Variants in GRIP1 observed in about 807,000 individuals in gnomAD.
GRIP1 encodes glutamate receptor-interacting protein 1.
A neutral mutation model predicts 129.9 loss-of-function variants in GRIP1; 45 were observed. That is an observed-to-expected ratio of 0.35 (90% confidence interval 0.27 to 0.44). The LOEUF is 0.44. Ranked by LOEUF, GRIP1 falls within the 20% of genes least tolerant of loss-of-function variation. GRIP1 has a pLI of 1.00. For synonymous variants in GRIP1, 530 were observed against 520.8 expected, an observed-to-expected ratio of 1.02 and a Z score of -0.24; for missense variants, 1,196 against 1,396.8, an observed-to-expected ratio of 0.86 and a Z score of 2.29.
At chr12:66,885,103 T>C (rs911402497) in intron 1 of GRIP1, among the ~76,000 whole-genome samples, 24 of 152,318 alleles carry the variant, frequency 1.6e-4, no homozygotes, top group African/African-American at 5.8e-4. Context: ...TGGTGGATCC[T>C]GCAAACTGAG....
intron 7 of GRIP1, among the ~76,000 whole-genome samples, chr12:66,488,573 CA>C (rs1357538174): frequency 2.0e-5 from 3 of 152,046 alleles, no homozygotes; most frequent in African/African-American, 2.4e-5. Flanking sequence ...ACTAGAGAAC[CA>C]AGAACAAACA....
upstream of GRIP1, chr12:66,679,133 C>G (rs1057304347): frequency 6.9e-7 from 1 of 1,440,166 alleles, no homozygotes; most frequent in African/African-American, 1.4e-5. Context: ...GCCTCCTCCC[C>G]CTTCACAATC....
chr12:66,365,646 T>C (rs1234833955), intron 23 of GRIP1, among the ~76,000 whole-genome samples: 2 of 152,226 alleles, frequency 1.3e-5, no homozygotes, highest in African/African-American at 4.8e-5. Context: ...TCCCTGGTTC[T>C]ACAGGGAGAG....
At chr12:66,356,893 C>A (rs1222305776) in intron 23 of GRIP1, among the ~76,000 whole-genome samples, 1 of 152,094 alleles carries the variant, frequency 6.6e-6, no homozygotes, top group Non-Finnish European at 1.5e-5. Context: ...TTTTTTGAGA[C>A]AAGGTCTTGC....
chr12:66,480,350 AC>A (rs1401862800), intron 7 of GRIP1, among the ~76,000 whole-genome samples: 1 of 152,198 alleles, frequency 6.6e-6, no homozygotes, highest in East Asian at 1.9e-4. Context: ...AATACAACTT[AC>A]AAGGGATGAG....
At chr12:66,464,014 C>G (rs140407931) in intron 8 of GRIP1, among the ~76,000 whole-genome samples, 1 of 152,000 alleles carries the variant, frequency 6.6e-6, no homozygotes, top group African/African-American at 2.4e-5. Flanking sequence ...CTGACCACTA[C>G]GGGGGGTTGC....
chr12:66,518,861 A>G (rs1361632924), intron 5 of GRIP1, among the ~76,000 whole-genome samples: 1 of 152,226 alleles, frequency 6.6e-6, no homozygotes, highest in Non-Finnish European at 1.5e-5. Flanking sequence ...TCTTTTACAA[A>G]AATGCTTTTC....
At position 66,874,052 on chromosome 12, in the gene GRIP1, G is replaced by A. The variant is rs7303529; in HGVS notation, c.58+194998C>T. Reference sequence around the variant, plus strand: ...AGGACATCTGTCTTCATCAGCATGTGATCTGGTGGAGATACGTGCTGTTTT... The same window carrying A: ...AGGACATCTGTCTTCATCAGCATGTAATCTGGTGGAGATACGTGCTGTTTT... On this transcript the variant is annotated intron_variant, in intron 1 of 1. Transcript: ENST00000643019. Among the ~76,000 whole-genome samples the A allele has an allele frequency of 2.0e-4, 30 of 152,216 alleles. 1 individual carries two copies. The highest frequency in any genetic ancestry group is 7.0e-4 in the African/African-American group (29 of 41,556).
At chr12:66,844,185 A>C (rs1366098015) in intron 1 of GRIP1, among the ~76,000 whole-genome samples, 3 of 152,286 alleles carry the variant, frequency 2.0e-5, no homozygotes, top group Non-Finnish European at 1.5e-5. Context: ...CAATTAGCAC[A>C]CAAAAATATG....
At chr12:66,468,855 A>G (rs533433587) in intron 7 of GRIP1, among the ~76,000 whole-genome samples, 2 of 152,274 alleles carry the variant, frequency 1.3e-5, no homozygotes, top group African/African-American at 4.8e-5. Flanking sequence ...GCCATCATTA[A>G]TTTAGAGGGT....
At chr12:66,732,638 T>C (rs938418945) in intron 1 of GRIP1, among the ~76,000 whole-genome samples, 60 of 152,288 alleles carry the variant, frequency 3.9e-4, no homozygotes, top group African/African-American at 1.4e-3. Flanking sequence ...TTCTCTTGCT[T>C]ATAATTTTCT....
At chr12:66,986,854 A>T (rs28654225) in intron 1 of GRIP1, among the ~76,000 whole-genome samples, 2 of 97,878 alleles carry the variant, frequency 2.0e-5, no homozygotes, top group African/African-American at 4.6e-5. Flanking sequence ...TTTTTAAAAA[A>T]TTTTAAAAAA....
intron 1 of GRIP1, among the ~76,000 whole-genome samples, chr12:66,738,582 A>G (rs1409278928): frequency 2.6e-5 from 4 of 152,088 alleles, no homozygotes; most frequent in Admixed American, 2.6e-4. Context: ...TTCAAGCAGG[A>G]AAAAGAGGTA....
chr12:66,845,053 A>G (rs1431007007), intron 1 of GRIP1, among the ~76,000 whole-genome samples: 1 of 152,218 alleles, frequency 6.6e-6, no homozygotes, highest in Non-Finnish European at 1.5e-5. Flanking sequence ...CAATGTGAAT[A>G]TACTTAACAC....
intron 1 of GRIP1, among the ~76,000 whole-genome samples, chr12:66,888,386 GTCTC>G (rs1469547058): frequency 6.6e-6 from 1 of 152,024 alleles, no homozygotes; most frequent in Non-Finnish European, 1.5e-5. Context: ...TTAAGATAGA[GTCTC>G]TCTCTGTCAC....
chr12:66,751,880 C>T lies in GRIP1; in HGVS notation c.-420+52173G>A, dbSNP rs138725489. 2.5e-3 allele frequency among the ~76,000 whole-genome samples: 378 copies of T among 152,194 alleles called. 9 individuals carry two copies. Among genetic ancestry groups the T allele is most frequent in the Admixed American group, 0.016 (237 of 15,270 alleles). On this transcript the variant is annotated intron_variant, in intron 1 of 4. Coordinates refer to the GRIP1 transcript ENST00000538373. ...ACAAGCTAATGTCTACATTATGATC[C>T]AATGGTGGGAAGTGAAATCTAAAGT...
At chr12:66,855,323 T>G (rs565147051) in intron 1 of GRIP1, among the ~76,000 whole-genome samples, 1 of 152,030 alleles carries the variant, frequency 6.6e-6, no homozygotes, top group Admixed American at 6.6e-5. Context: ...GCTGGAACTA[T>G]GTAGAGCAAG....
intron 1 of GRIP1, among the ~76,000 whole-genome samples, chr12:66,772,997 C>T (rs745731079): frequency 1.6e-4 from 24 of 152,040 alleles, no homozygotes; most frequent in Non-Finnish European, 2.9e-5. Context: ...AAAGGATTTC[C>T]AAAACAAGCT....
chr12:66,572,733 G>C (rs541783213), intron 2 of GRIP1, among the ~76,000 whole-genome samples: 1 of 152,212 alleles, frequency 6.6e-6, no homozygotes, highest in African/African-American at 2.4e-5. Context: ...GTAATGGTCT[G>C]AATACCCCCA....
Sources: gnomAD v4.1 joint callset for allele counts (sites outside exome capture counted in the v4.1 genomes callset) on GRCh38, gnomAD v4.1.1 for gene constraint, MANE v1.5 for transcripts, NCBI Gene and HGNC (gene_info 2026-07-23, HGNC 2026-07-21) for gene names.